RETREG3: variants seen among roughly 807,000 people sequenced by gnomAD.
RETREG3 encodes the protein reticulophagy regulator 3.
A neutral mutation model predicts 50.2 loss-of-function variants in RETREG3; 23 were observed. The observed-to-expected ratio is 0.46, with a 90% CI of 0.33 to 0.65. The LOEUF (loss-of-function observed/expected upper bound fraction) is 0.65, where lower values mean the gene tolerates loss of function less well. RETREG3 is among the 30% of genes least tolerant of loss of function. RETREG3 has a pLI of 0.02. For synonymous variants in RETREG3, 240 were observed against 234.4 expected (o/e 1.02, Z -0.22); for missense variants, 546 against 598.0 (o/e 0.91, Z 0.91).
Position 42,609,315 on chromosome 17 carries a change from C to G in RETREG3, c.10G>C (p.Ala4Pro). The G allele has an allele frequency of 6.3e-7, 1 of 1,598,390 alleles. No homozygotes were observed. Among genetic ancestry groups the G allele is most frequent in the Non-Finnish European group, 8.5e-7 (1 of 1,178,262 alleles). The change falls in exon 1 of 9, where the codon GCC becomes CCC. Residue 4 changes from alanine to proline, a missense_variant. Ala to Pro is a conservative substitution (Grantham distance 27). Transcript: ENST00000309428. Reference sequence around the variant, plus strand: ...CCTGGGGTCGTGGGAACCCCTTCGGCCTCAGCCATCTCCCCGCGGCAGCCA... The same window carrying G: ...CCTGGGGTCGTGGGAACCCCTTCGGGCTCAGCCATCTCCCCGCGGCAGCCA... MAE[A>P]EGVPTTPGPA...
chr17:42,601,654 C>T (rs1468749305), intron 1 of RETREG3, among the ~76,000 whole-genome samples: 4 of 74,686 alleles, frequency 5.4e-5, no homozygotes, highest in Non-Finnish European at 9.6e-5. Context: ...TTTTTTGAGA[C>T]GGAGTCTTGC....
At chr17:42,584,815 C>CAAAAAA (rs71157643) in intron 6 of RETREG3, among the ~76,000 whole-genome samples, 9 of 82,618 alleles carry the variant, frequency 1.1e-4, no homozygotes, top group Non-Finnish European at 1.6e-4. Flanking sequence ...GACCCTGTCT[C>CAAAAAA]AAAAAAAAAA....
rs2093106173 is a variant in RETREG3 at position 42,580,864 on chromosome 17, C to T, written c.*949G>A. ...ACCAGCCTGGCCAGCACGGTGAAAC[C>T]CCATCTCTACTAAAAACACAAAAAA... On this transcript the variant is annotated 3_prime_UTR_variant, in exon 9 of 9. Coordinates refer to ENST00000309428, the MANE Select transcript of RETREG3 (RefSeq NM_178126.4). 6.6e-6 allele frequency: 1 copy of T among 151,602 alleles called. No individual in the cohort carries two copies. Among genetic ancestry groups the T allele is most frequent in the Admixed American group, 6.6e-5 (1 of 15,192 alleles). 9.4% of individuals were successfully genotyped at this position (151,602 alleles called of 1,614,324 possible). A position where few individuals can be genotyped will look rare whatever the true frequency, so the allele number is the denominator to read the frequency against.
At chr17:42,590,544 T>C (rs2143389565) in intron 2 of RETREG3, among the ~76,000 whole-genome samples, 1 of 151,906 alleles carries the variant, frequency 6.6e-6, no homozygotes, top group South Asian at 2.1e-4. Context: ...TGGTGGCAAG[T>C]GCCTATAGTC....
rs775949227 is a variant in RETREG3 at position 42,581,824 on chromosome 17, T to G, written c.1390A>C (p.Arg464=). 1 of 1,584,462 alleles carries G rather than the reference T, an allele frequency of 6.3e-7. No individual in the cohort carries two copies. Among genetic ancestry groups the G allele is most frequent in the Non-Finnish European group, 8.6e-7 (1 of 1,163,716 alleles). Residue 464 remains arginine, a synonymous_variant, in exon 9 of 9, where the codon AGG becomes CGG. Transcript: ENST00000309428. The part of the protein sequence containing the change: ...ELSQLDPASS[R]SH ...AAGGAGTCTCTGCCTCAGTGGCTCC[T>G]AGAACTGGCAGGGTCCAGCTGACTC...
intron 1 of RETREG3, among the ~76,000 whole-genome samples, chr17:42,595,838 G>T (rs1477557520): frequency 6.7e-6 from 1 of 150,042 alleles, no homozygotes; most frequent in Non-Finnish European, 1.5e-5. Context: ...GGAGGTTGAG[G>T]CAGCAGTGAA....
At position 42,582,050 on chromosome 17, in the gene RETREG3, AG is replaced by A. The variant is rs1567919965; in HGVS notation, c.1163del (p.Pro388LeufsTer2). The A allele has an allele frequency of 6.2e-7, 1 of 1,614,066 alleles. No homozygotes were observed. Among genetic ancestry groups the A allele is most frequent in the South Asian group, 1.1e-5 (1 of 91,066 alleles). ...GGTTGCTGGTGAGGTTGGATCCTAC[AG>A]GAAGAGCACCAAGCAGGAGCTCCGG... is the stretch of plus-strand genomic sequence containing the variant. ...ALPELLLGAL[P>X]VGSNLTSNLA... On this transcript the variant is annotated frameshift_variant, in exon 9 of 9. Coordinates refer to ENST00000309428, the MANE Select transcript of RETREG3 (RefSeq NM_178126.4). LOFTEE classifies it high-confidence loss of function.
chr17:42,581,625 T>C lies in RETREG3; in HGVS notation c.*188A>G, dbSNP rs1230059671. 8 of 559,546 alleles carry C rather than the reference T, an allele frequency of 1.4e-5. No homozygotes were observed. The highest frequency in any genetic ancestry group is 2.5e-5 in the Non-Finnish European group (8 of 322,188). The allele number at this position is 559,546 out of a possible 1,614,324, so 34.7% of individuals were successfully genotyped here. On this transcript the variant is annotated 3_prime_UTR_variant, in exon 9 of 9. Transcript: ENST00000309428. Reference sequence around the variant, plus strand: ...TCACTTCAGTGACTGAGCTCAGAAATGGGCATCCAGCTGGTGGGAGGGGAG... The same window carrying C: ...TCACTTCAGTGACTGAGCTCAGAAACGGGCATCCAGCTGGTGGGAGGGGAG...
chr17:42,595,733 A>T (rs1342178668), intron 1 of RETREG3, among the ~76,000 whole-genome samples: 1 of 138,694 alleles, frequency 7.2e-6, no homozygotes. Flanking sequence ...CAATGGCATG[A>T]TCTCCGCTCA....
At chr17:42,602,328 A>AG (rs397715587) in intron 1 of RETREG3, among the ~76,000 whole-genome samples, 11 of 151,832 alleles carry the variant, frequency 7.2e-5, no homozygotes, top group African/African-American at 2.7e-4. Flanking sequence ...AAAAAAAAAA[A>AG]GTAAGAAAAT....
chr17:42,597,592 TA>T (rs1567925354), intron 1 of RETREG3, among the ~76,000 whole-genome samples: 44,312 of 69,526 alleles, frequency 0.64, 12,705 homozygotes, highest in South Asian at 0.71. Context: ...TATATATATA[TA>T]TATATATATA....
Position 42,609,148 on chromosome 17 carries a change from G to T in RETREG3, c.177C>A (p.Ala59=). The change falls in exon 1 of 9, where the codon GCC becomes GCA. Residue 59 remains alanine, a synonymous_variant. Coordinates refer to ENST00000309428, the MANE Select transcript of RETREG3 (RefSeq NM_178126.4). ...YEPLLSRVQA[A]LVWERPARSA... is the part of the protein sequence containing the mutation. ...TCCTAGCTGGCCGCTCCCACACCAGGGCTGCCTGCACCCGACTCAGCAGAG... is the reference window on the plus strand; with the variant it reads ...TCCTAGCTGGCCGCTCCCACACCAGTGCTGCCTGCACCCGACTCAGCAGAG... 1 of 1,610,062 alleles carries T rather than the reference G, an allele frequency of 6.2e-7. No individual in the cohort carries two copies.
At chr17:42,600,731 C>T (rs1444054813) in intron 1 of RETREG3, among the ~76,000 whole-genome samples, 1 of 152,182 alleles carries the variant, frequency 6.6e-6, no homozygotes, top group Non-Finnish European at 1.5e-5. Context: ...CCATTATCCA[C>T]ATATGTACTC....
Position 42,581,943 on chromosome 17 carries a change from T to C in RETREG3, c.1271A>G (p.Gln424Arg), listed in dbSNP as rs1467471654. 2.5e-6 allele frequency: 4 copies of C among 1,614,012 alleles called. No homozygotes were observed. The highest frequency in any genetic ancestry group is 3.4e-6 in the Non-Finnish European group (4 of 1,180,012). Residue 424 changes from glutamine (Q) to arginine (R), a missense_variant, in exon 9 of 9, where the codon CAG (glutamine) becomes CGG (arginine). Gln to Arg is a conservative substitution (Grantham distance 43). Coordinates refer to ENST00000309428, the MANE Select transcript of RETREG3 (RefSeq NM_178126.4). ...SQPGPSGAPA[Q>R]RATRGFLRSP... The stretch of plus-strand genomic sequence containing the variant: ...CCGGAGGAAGCCTCTCGTTGCTCTC[T>C]GGGCAGGTGCTCCAGAAGGGCCTGG...
intron 1 of RETREG3, among the ~76,000 whole-genome samples, chr17:42,607,288 T>TAGG (rs2093169451): frequency 6.6e-6 from 1 of 150,820 alleles, no homozygotes; most frequent in African/African-American, 2.4e-5. Flanking sequence ...CACCAGAGCC[T>TAGG]AGGAGTTCGA....
intron 3 of RETREG3, 131 bp from the exon 4 acceptor site, chr17:42,587,022 G>A (rs1179422218): frequency 8.1e-7 from 1 of 1,233,412 alleles, no homozygotes; most frequent in South Asian, 1.5e-5. Flanking sequence ...CTTTGGAGGT[G>A]AAGCATGACT....
intron 6 of RETREG3, 77 bp downstream of exon 6, chr17:42,585,048 C>A: frequency 1.9e-6 from 3 of 1,560,018 alleles, no homozygotes; most frequent in South Asian, 2.3e-5. Flanking sequence ...GAGGACCCAC[C>A]CAGTATGTCA....
At chr17:42,586,427 T>G (rs2093121357) in intron 4 of RETREG3, 1 of 425,076 alleles carries the variant, frequency 2.4e-6, no homozygotes, top group African/African-American at 2.0e-5. Context: ...GGTGGTGGTT[T>G]TTTAAGTCAA....
rs1597731317 is a variant in RETREG3, at chr17:42,581,671, G to A, written c.*142C>T. The A allele has an allele frequency of 1.4e-6, 1 of 707,756 alleles. No homozygotes were observed. The highest frequency in any genetic ancestry group is 1.8e-5 in the African/African-American group (1 of 55,936). 43.8% of individuals were successfully genotyped at this position (707,756 alleles called of 1,614,324 possible). A position where few individuals can be genotyped will look rare whatever the true frequency, so the allele number is the denominator to read the frequency against. On this transcript the variant is annotated 3_prime_UTR_variant, in exon 9 of 9. Coordinates refer to ENST00000309428, the MANE Select transcript of RETREG3 (RefSeq NM_178126.4). Reference sequence around the variant, plus strand: ...GGGAGTGAGTGTCCTCTCTAAGGAGGCCTCTGAGCATCAGCCAGGCCACCC... The same window carrying A: ...GGGAGTGAGTGTCCTCTCTAAGGAGACCTCTGAGCATCAGCCAGGCCACCC...
Sources: gnomAD v4.1 joint callset for allele counts (sites outside exome capture counted in the v4.1 genomes callset) on GRCh38, gnomAD v4.1.1 for gene constraint, MANE v1.5 for transcripts, NCBI Gene and HGNC (gene_info 2026-07-23, HGNC 2026-07-21) for gene names.